MAGI2: variants seen among roughly 807,000 people sequenced by gnomAD.
The protein encoded by MAGI2 is membrane associated guanylate kinase, WW and PDZ domain containing 2, also known as membrane-associated guanylate kinase, WW and PDZ domain-containing protein 2.
A neutral mutation model predicts 133.3 loss-of-function variants in MAGI2; 35 were observed. The ratio of observed to expected loss-of-function variants is 0.26; its 90% CI spans 0.20 to 0.35. The LOEUF (loss-of-function observed/expected upper bound fraction) is 0.35, where lower values mean the gene tolerates loss of function less well. MAGI2 is among the 10% of genes least tolerant of loss of function. The probability of loss-of-function intolerance (pLI) is 1.00; values close to 1 mark genes in which losing one functional copy is unlikely to be tolerated. For missense variants in MAGI2, 1,636 were observed against 1,863.4 expected (o/e 0.88, Z 2.25); for synonymous variants, 729 against 710.6 (o/e 1.03, Z -0.41).
At chr7:78,621,027 G>A (rs533515845) in intron 3 of MAGI2, among the ~76,000 whole-genome samples, 23 of 152,084 alleles carry the variant, frequency 1.5e-4, no homozygotes, top group South Asian at 8.3e-4. Flanking sequence ...GTGAAATCAC[G>A]AATGTAAAAT....
At chr7:78,680,691 G>C (rs1271758929) in intron 2 of MAGI2, among the ~76,000 whole-genome samples, 1 of 152,098 alleles carries the variant, frequency 6.6e-6, no homozygotes, top group Non-Finnish European at 1.5e-5. Flanking sequence ...GCTGAGTTTT[G>C]ACAACATTCA....
chr7:79,178,815 T>C (rs117999714), intron 1 of MAGI2, among the ~76,000 whole-genome samples: 2,290 of 152,142 alleles, frequency 0.015, 24 homozygotes, highest in Non-Finnish European at 0.022. Flanking sequence ...ATTAACATCA[T>C]TGGCTATTTC....
At chr7:78,870,415 G>T (rs1055244564) in intron 2 of MAGI2, among the ~76,000 whole-genome samples, 1 of 148,666 alleles carries the variant, frequency 6.7e-6, no homozygotes, top group African/African-American at 2.5e-5. Flanking sequence ...CTCAAAAGAA[G>T]ATATACAAAT....
chr7:78,300,772 A>T (rs1032296708), intron 9 of MAGI2, among the ~76,000 whole-genome samples: 5 of 152,216 alleles, frequency 3.3e-5, no homozygotes, highest in Non-Finnish European at 7.3e-5. Flanking sequence ...TACATTATAA[A>T]CATTCTATGT....
At position 78,591,291 on chromosome 7, in the gene MAGI2, C is replaced by A. The variant is rs568184358; in HGVS notation, c.538+35829G>T. ...GAAACAGACCTCATTGAGAAAGCCA[C>A]AAGGGATTATAAAAGGTTTTAACCT... On this transcript the variant is annotated intron_variant, in intron 3 of 21. Transcript: ENST00000354212. Among the ~76,000 whole-genome samples the A allele has an allele frequency of 1.1e-4, 17 of 152,260 alleles. No individual in the cohort carries two copies. In the East Asian group the frequency reaches 2.3e-3, roughly 21 times the overall value.
chr7:78,019,706 G>C lies in MAGI2; in HGVS notation c.3977C>G (p.Pro1326Arg), dbSNP rs764601169. Residue 1326 changes from proline (P) to arginine (R), a missense_variant, in exon 22 of 22, where the codon CCG becomes CGG. Transcript: ENST00000354212. Reference protein sequence around the residue: ...RSASPQRAARPRLEEAPGGQG... With the variant: ...RSASPQRAARRRLEEAPGGQG... ...GCCGCCGGGCGCCTCCTCGAGCCTC[G>C]GCCGCGCGGCCCTCTGCGGACTCGC... 6.3e-7 allele frequency: 1 copy of C among 1,576,014 alleles called. No homozygotes were observed. Among genetic ancestry groups the C allele is most frequent in the East Asian group, 2.4e-5 (1 of 41,862 alleles).
chr7:79,109,560 T>A (rs1818738580), intron 1 of MAGI2, among the ~76,000 whole-genome samples: 1 of 152,220 alleles, frequency 6.6e-6, no homozygotes, highest in African/African-American at 2.4e-5. Flanking sequence ...AGCAAATATA[T>A]AACTTAAAGT....
chr7:78,711,639 C>G (rs986398869), intron 2 of MAGI2, among the ~76,000 whole-genome samples: 5 of 152,002 alleles, frequency 3.3e-5, no homozygotes, highest in African/African-American at 1.2e-4. Context: ...TTCTTACCTC[C>G]TTCCTAAGAG....
At chr7:78,759,975 C>T (rs986569351) in intron 2 of MAGI2, among the ~76,000 whole-genome samples, 7 of 151,956 alleles carry the variant, frequency 4.6e-5, no homozygotes, top group African/African-American at 1.5e-4. Context: ...ATTAGCCGAG[C>T]GTGGTGGCAT....
At chr7:78,150,981 G>A (rs3807691) in intron 16 of MAGI2, among the ~76,000 whole-genome samples, 30,017 of 151,450 alleles carry the variant, frequency 0.2, 3,126 homozygotes, top group East Asian at 0.34. Flanking sequence ...AAATGTTTGC[G>A]TTTGTCTTTC....
At chr7:78,888,740 A>G (rs188897878) in intron 2 of MAGI2, among the ~76,000 whole-genome samples, 271 of 152,298 alleles carry the variant, frequency 1.8e-3, no homozygotes, top group African/African-American at 6.2e-3. Flanking sequence ...CATCACCATC[A>G]TCAAAGACCA....
chr7:79,342,031 C>A (rs529993316), intron 1 of MAGI2, among the ~76,000 whole-genome samples: 9 of 152,296 alleles, frequency 5.9e-5, no homozygotes, highest in African/African-American at 2.2e-4. Context: ...TGTCCATCAC[C>A]TTTCTGGTTT....
intron 1 of MAGI2, among the ~76,000 whole-genome samples, chr7:79,131,096 T>A (rs1562924189): frequency 6.6e-6 from 1 of 152,234 alleles, no homozygotes; most frequent in East Asian, 1.9e-4. Flanking sequence ...AAGAATTCAG[T>A]CAGTATAGCA....
intron 2 of MAGI2, among the ~76,000 whole-genome samples, chr7:78,661,414 A>G (rs1301344980): frequency 6.6e-6 from 1 of 152,206 alleles, no homozygotes; most frequent in Non-Finnish European, 1.5e-5. Context: ...AAAACTCTTC[A>G]GGTCCCTAAC....
At chr7:78,061,390 C>A (rs79325474) in intron 21 of MAGI2, among the ~76,000 whole-genome samples, 1 of 147,234 alleles carries the variant, frequency 6.8e-6, no homozygotes. Context: ...GAAGTATGCT[C>A]ACATCTGGGG....
intron 1 of MAGI2, among the ~76,000 whole-genome samples, chr7:79,390,597 C>T (rs1844531357): frequency 6.6e-6 from 1 of 151,914 alleles, no homozygotes; most frequent in Non-Finnish European, 1.5e-5. Context: ...TGTTGAGTTT[C>T]GAGAGGAGGT....
intron 1 of MAGI2, among the ~76,000 whole-genome samples, chr7:79,438,946 C>T (rs762205107): frequency 3.3e-5 from 5 of 152,068 alleles, no homozygotes; most frequent in East Asian, 1.9e-4. Context: ...AGGCTTTATC[C>T]GCCTTCAGTA....
At chr7:78,550,756 GTTTTT>G (rs35785592) in intron 3 of MAGI2, among the ~76,000 whole-genome samples, 1 of 147,148 alleles carries the variant, frequency 6.8e-6, no homozygotes, top group Non-Finnish European at 1.5e-5. Flanking sequence ...CCTCTGAACA[GTTTTT>G]TTTTTTTTAA....
At chr7:78,139,493 CAGAGCA>C (rs1822522794) in intron 16 of MAGI2, among the ~76,000 whole-genome samples, 1 of 152,168 alleles carries the variant, frequency 6.6e-6, no homozygotes, top group Non-Finnish European at 1.5e-5. Flanking sequence ...AACGGAATTA[CAGAGCA>C]AGGAAGAGGC....
Sources: gnomAD v4.1 joint callset for allele counts (sites outside exome capture counted in the v4.1 genomes callset) on GRCh38, gnomAD v4.1.1 for gene constraint, MANE v1.5 for transcripts, NCBI Gene and HGNC (gene_info 2026-07-23, HGNC 2026-07-21) for gene names.